TF: variants seen among roughly 807,000 people sequenced by gnomAD.
TF encodes transferrin.
TF carries 55 observed loss-of-function variants against 82.4 expected under a neutral mutation model. The observed-to-expected ratio is 0.67, with a 90% CI of 0.54 to 0.84. The LOEUF is 0.84. TF is among the 40% of genes least tolerant of loss of function. TF has a pLI of 0.00. For synonymous variants in TF, 332 were observed against 332.6 expected (o/e 1.00, Z 0.02); for missense variants, 737 against 868.4 (o/e 0.85, Z 1.90).
At chr3:133,734,774 T>A in the TF span, among the ~76,000 whole-genome samples, 25 of 148,662 alleles carry the variant, frequency 1.7e-4, no homozygotes, top group Non-Finnish European at 2.7e-4. Context: ...CATGTGGTGA[T>A]GCCACAAAAA....
At chr3:133,725,264 G>A in the TF span, among the ~76,000 whole-genome samples, 16 of 152,228 alleles carry the variant, frequency 1.1e-4, no homozygotes, top group South Asian at 1.5e-3. Flanking sequence ...CCATTTTCAC[G>A]ATATTGATTC....
At chr3:133,725,353 C>T in the TF span, among the ~76,000 whole-genome samples, 1 of 152,218 alleles carries the variant, frequency 6.6e-6, no homozygotes, top group East Asian at 1.9e-4. Context: ...TTGTAGTTCT[C>T]CTTGGGGAGG....
At chr3:133,768,564 G>A (rs907098530) in intron 13 of TF, among the ~76,000 whole-genome samples, 4 of 152,108 alleles carry the variant, frequency 2.6e-5, no homozygotes, top group Non-Finnish European at 5.9e-5. Context: ...CAATTATCCA[G>A]CCCCAAGTGT....
the TF span, among the ~76,000 whole-genome samples, chr3:133,677,854 A>T: frequency 1.3e-5 from 2 of 151,948 alleles, no homozygotes; most frequent in Non-Finnish European, 1.5e-5. Context: ...CAGCTAATTT[A>T]AAAAAAAAAT....
At chr3:133,727,294 T>C in the TF span, among the ~76,000 whole-genome samples, 44 of 150,874 alleles carry the variant, frequency 2.9e-4, no homozygotes, top group African/African-American at 9.8e-4. Flanking sequence ...GAGTCTAAGT[T>C]TCTTTGTAGG....
the TF span, chr3:133,662,365 G>A: frequency 6.6e-6 from 1 of 152,220 alleles, no homozygotes; most frequent in African/African-American, 2.4e-5. Flanking sequence ...AAGGGCACAC[G>A]GCTAGTAGGT....
the TF span, among the ~76,000 whole-genome samples, chr3:133,676,914 C>A: frequency 6.6e-6 from 1 of 152,228 alleles, no homozygotes; most frequent in Non-Finnish European, 1.5e-5. Flanking sequence ...ATTCATCTTC[C>A]CTCCTTCTTG....
the TF span, among the ~76,000 whole-genome samples, chr3:133,725,870 T>C: frequency 5.3e-5 from 8 of 152,108 alleles, no homozygotes; most frequent in African/African-American, 1.9e-4. Flanking sequence ...GCATGAAGGG[T>C]TGTTGAATTT....
the TF span, among the ~76,000 whole-genome samples, chr3:133,693,869 CA>C: frequency 6.6e-6 from 1 of 152,232 alleles, no homozygotes; most frequent in South Asian, 2.1e-4. Context: ...GGTGAATTAG[CA>C]GAGCTGCGTG....
the TF span, among the ~76,000 whole-genome samples, chr3:133,713,351 T>C: frequency 9.2e-5 from 14 of 152,170 alleles, no homozygotes; most frequent in Admixed American, 4.6e-4. Context: ...AAGGCCAAGA[T>C]AGTTTTCCCA....
the TF span, among the ~76,000 whole-genome samples, chr3:133,734,297 C>T: frequency 7.2e-5 from 11 of 152,302 alleles, no homozygotes; most frequent in South Asian, 2.1e-4. Context: ...TAAAAGGTTA[C>T]GTCCGTCACC....
intron 6 of TF, 133 bp from the exon 7 acceptor site, chr3:133,756,698 G>C: frequency 8.9e-7 from 1 of 1,129,772 alleles, no homozygotes; most frequent in South Asian, 1.3e-5. Flanking sequence ...TCATTCTCCC[G>C]CATGTTCTCT....
the TF span, among the ~76,000 whole-genome samples, chr3:133,698,905 T>C: frequency 2.6e-5 from 4 of 152,368 alleles, no homozygotes; most frequent in South Asian, 8.3e-4. Context: ...CTAGACCTCC[T>C]TCCATCTCTC....
At position 133,754,535 on chromosome 3, in the gene TF, G is replaced by A. The variant is rs1450710761; in HGVS notation, c.366G>A (p.Lys122=). Residue 122 remains lysine, a synonymous_variant, in exon 4 of 17, where the codon AAG becomes AAA. Transcript: ENST00000402696. Reference sequence around the variant, plus strand: ...ATTATGCTGTTGCTGTGGTGAAGAAGGATAGTGGCTTCCAGATGAACCAGC... The same window carrying A: ...ATTATGCTGTTGCTGTGGTGAAGAAAGATAGTGGCTTCCAGATGAACCAGC... ...TFYYAVAVVK[K]DSGFQMNQLR... is the part of the protein sequence containing the mutation. The A allele has an allele frequency of 2.5e-6, 4 of 1,614,088 alleles. No homozygotes were observed. Among genetic ancestry groups the A allele is most frequent in the African/African-American group, 2.7e-5 (2 of 74,930 alleles).
At chr3:133,675,927 A>G in the TF span, among the ~76,000 whole-genome samples, 10 of 152,150 alleles carry the variant, frequency 6.6e-5, no homozygotes, top group African/African-American at 2.4e-4. Flanking sequence ...TGACCCCTGA[A>G]CTAGAGGCTG....
intron 15 of TF, 95 bp from the exon 16 acceptor site, chr3:133,776,954 C>A: frequency 8.6e-7 from 1 of 1,165,112 alleles, no homozygotes; most frequent in Non-Finnish European, 1.3e-6. Context: ...CCTTTTTCCC[C>A]AGGGCTGGTT....
the TF span, among the ~76,000 whole-genome samples, chr3:133,666,206 T>C: frequency 6.6e-6 from 1 of 152,184 alleles, no homozygotes; most frequent in Non-Finnish European, 1.5e-5. Context: ...GGAGTCTCGC[T>C]CTGTCGCCCA....
chr3:133,683,880 C>T, the TF span, among the ~76,000 whole-genome samples: 7 of 152,318 alleles, frequency 4.6e-5, no homozygotes, highest in Admixed American at 1.3e-4. Flanking sequence ...ACTCTCCACC[C>T]CAAATCAACA....
intron 14 of TF, chr3:133,770,881 C>T (rs901042602): frequency 8.1e-5 from 36 of 445,742 alleles, no homozygotes; most frequent in African/African-American, 4.1e-4. Context: ...TGCATACCCA[C>T]AGTATGATTA....
Sources: gnomAD v4.1 joint callset for allele counts (sites outside exome capture counted in the v4.1 genomes callset) on GRCh38, gnomAD v4.1.1 for gene constraint, MANE v1.5 for transcripts, NCBI Gene and HGNC (gene_info 2026-07-23, HGNC 2026-07-21) for gene names.